Variants in RIC3 observed in about 807,000 individuals in gnomAD.
RIC3 encodes protein RIC-3.
In RIC3, 28 loss-of-function variants were observed where a neutral mutation model predicts 27.3. The observed-to-expected ratio is 1.02, with a 90% CI of 0.76 to 1.41. The LOEUF (loss-of-function observed/expected upper bound fraction) is 1.41, where lower values mean the gene tolerates loss of function less well. RIC3 is among the 40% of genes most tolerant of loss of function. RIC3 has a pLI of 0.00. For synonymous variants in RIC3, 184 were observed against 160.4 expected (o/e 1.15, Z -1.11); for missense variants, 501 against 444.7 (o/e 1.13, Z -1.14).
intron 4 of RIC3, among the ~76,000 whole-genome samples, chr11:8,136,270 A>C (rs1948407114): frequency 1.3e-5 from 2 of 152,232 alleles, no homozygotes; most frequent in South Asian, 4.1e-4. Context: ...CTAGTACTAT[A>C]AAGGATGGCA....
chr11:8,127,971 G>A (rs981419213), intron 4 of RIC3, among the ~76,000 whole-genome samples: 10 of 152,226 alleles, frequency 6.6e-5, no homozygotes, highest in African/African-American at 2.2e-4. Context: ...AAGGAAAATG[G>A]AAAACACCAC....
chr11:8,101,766 G>A, downstream of RIC3: 4 of 1,402,636 alleles, frequency 2.9e-6, no homozygotes, highest in South Asian at 6.0e-5. Context: ...CAGCCAGCCA[G>A]GAACTGGCTC....
At chr11:8,114,789 A>T (rs1379101046) in intron 5 of RIC3, among the ~76,000 whole-genome samples, 2 of 137,638 alleles carry the variant, frequency 1.5e-5, no homozygotes, top group South Asian at 2.3e-4. Context: ...AAATTATATT[A>T]AAAAAATCAA....
intron 4 of RIC3, among the ~76,000 whole-genome samples, chr11:8,134,921 A>G (rs1040162222): frequency 6.6e-6 from 1 of 151,988 alleles, no homozygotes; most frequent in African/African-American, 2.4e-5. Flanking sequence ...GATTGCAACA[A>G]TTTTTTCCCA....
At position 8,109,352 on chromosome 11, in the gene RIC3, A is replaced by C. The variant is rs1361222163; in HGVS notation, c.*1346T>G. On this transcript the variant is annotated 3_prime_UTR_variant, in exon 6 of 6. Transcript: ENST00000309737. ...GGGAATGTGCCCTCTTCGAACTCTC[A>C]GGTCTTACATGTAAACTGAATTCAC... 6.6e-6 allele frequency: 1 copy of C among 152,176 alleles called. No individual in the cohort carries two copies. The highest frequency in any genetic ancestry group is 1.5e-5 in the Non-Finnish European group (1 of 68,032). The allele number at this position is 152,176 out of a possible 1,614,324, so 9.4% of individuals were successfully genotyped here. A position where few individuals can be genotyped will look rare whatever the true frequency, so the allele number is the denominator to read the frequency against.
the RIC3 span, chr11:8,100,923 C>A: frequency 6.2e-7 from 1 of 1,614,154 alleles, no homozygotes; most frequent in South Asian, 1.1e-5. Flanking sequence ...GACACACAGT[C>A]CTATGTACTC....
At chr11:8,101,797 C>A, downstream of RIC3, 3 of 1,145,256 alleles carry the variant, frequency 2.6e-6, no homozygotes, top group Non-Finnish European at 3.6e-6. Context: ...GCTACTGAGG[C>A]AGGGGAGTAG....
At chr11:8,152,135 T>C (rs1051159877) in intron 1 of RIC3, among the ~76,000 whole-genome samples, 3 of 152,134 alleles carry the variant, frequency 2.0e-5, no homozygotes, top group African/African-American at 7.2e-5. Context: ...GGAACTCTCA[T>C]ACGCTGCTAG....
downstream of RIC3, chr11:8,104,384 T>C (rs1380243212): frequency 6.6e-6 from 1 of 152,360 alleles, no homozygotes; most frequent in Admixed American, 6.5e-5. Flanking sequence ...CAAGTCTAGC[T>C]TTCCTTTCCT....
intron 1 of RIC3, 102 bp downstream of exon 1, chr11:8,168,764 T>C (rs1390356214): frequency 4.8e-6 from 7 of 1,466,664 alleles, no homozygotes; most frequent in Non-Finnish European, 5.4e-6. Flanking sequence ...TTGGTGGATA[T>C]TTCGGTGAAG....
Position 8,111,048 on chromosome 11 carries a change from T to C in RIC3, c.760A>G (p.Lys254Glu), listed in dbSNP as rs142412066. The C allele has an allele frequency of 2.6e-5, 42 of 1,614,082 alleles. No individual in the cohort carries two copies. The African/African-American group carries it at 4.3e-4, about 16-fold the overall frequency. ...ETILVDYPDP[K>E]ELSAEEIAER... The stretch of plus-strand genomic sequence containing the variant: ...GCTATTTCTTCAGCAGAAAGTTCTT[T>C]TGGGTCAGGGTAATCCACCAAGATT... Residue 254 changes from lysine to glutamate, a missense_variant, in exon 6 of 6, where the codon AAA becomes GAA. By Grantham distance (56) the Lys-to-Glu change is moderately conservative (BLOSUM62 1). Transcript: ENST00000309737.
chr11:8,095,571 C>A, the RIC3 span: 1 of 1,613,182 alleles, frequency 6.2e-7, no homozygotes, highest in Non-Finnish European at 8.5e-7. Context: ...TGACTGTGGG[C>A]CAGTCAGACC....
intron 1 of RIC3, among the ~76,000 whole-genome samples, chr11:8,160,507 C>T (rs1951071788): frequency 6.6e-6 from 1 of 151,956 alleles, no homozygotes; most frequent in African/African-American, 2.4e-5. Flanking sequence ...TAAAATGCAA[C>T]AAGGAAAACT....
chr11:8,126,598 A>G, intron 5 of RIC3, 61 bp downstream of exon 5: 2 of 1,585,616 alleles, frequency 1.3e-6, no homozygotes, highest in Non-Finnish European at 1.7e-6. Flanking sequence ...ATTTTTTAAA[A>G]ATCTGTAACA....
chr11:8,154,898 G>A (rs114902954), intron 1 of RIC3, among the ~76,000 whole-genome samples: 272 of 152,226 alleles, frequency 1.8e-3, no homozygotes, highest in African/African-American at 6.0e-3. Flanking sequence ...AAGGGAACAT[G>A]ACTAAATCCT....
chr11:8,163,395 T>C (rs1316248757), intron 1 of RIC3, among the ~76,000 whole-genome samples: 1 of 152,104 alleles, frequency 6.6e-6, no homozygotes, highest in African/African-American at 2.4e-5. Flanking sequence ...TGTTTGTTCT[T>C]ACCACTTCTA....
chr11:8,115,589 C>T (rs1214947209), intron 5 of RIC3, among the ~76,000 whole-genome samples: 5 of 152,094 alleles, frequency 3.3e-5, no homozygotes, highest in Admixed American at 2.6e-4. Flanking sequence ...AGGTGGATCA[C>T]CTGAGGTCAG....
chr11:8,129,556 C>T (rs541223797), intron 4 of RIC3, among the ~76,000 whole-genome samples: 8 of 152,098 alleles, frequency 5.3e-5, no homozygotes, highest in African/African-American at 1.9e-4. Context: ...AACAGGAAGA[C>T]CAGAAGAGGC....
At chr11:8,144,214 A>G (rs1251467229) in intron 1 of RIC3, among the ~76,000 whole-genome samples, 1 of 150,348 alleles carries the variant, frequency 6.7e-6, no homozygotes, top group East Asian at 1.9e-4. Flanking sequence ...CTGCACAGCA[A>G]AAGAAACTAC....
Sources: gnomAD v4.1 joint callset for allele counts (sites outside exome capture counted in the v4.1 genomes callset) on GRCh38, gnomAD v4.1.1 for gene constraint, MANE v1.5 for transcripts, NCBI Gene and HGNC (gene_info 2026-07-23, HGNC 2026-07-21) for gene names.